POLR3A: variants seen among roughly 807,000 people sequenced by gnomAD.
POLR3A encodes the protein RNA polymerase III subunit A, also known as DNA-directed RNA polymerase III subunit RPC1.
A neutral mutation model predicts 152.8 loss-of-function variants in POLR3A; 112 were observed. The ratio of observed to expected loss-of-function variants is 0.73; its 90% CI spans 0.63 to 0.86. POLR3A has a LOEUF of 0.86. POLR3A is among the 40% of genes least tolerant of loss of function. The pLI, the probability that POLR3A is intolerant of heterozygous loss-of-function variation, is 0.00. For missense variants in POLR3A, 1,385 were observed against 1,743.1 expected (o/e 0.79, Z 3.66); for synonymous variants, 615 against 652.1 (o/e 0.94, Z 0.87).
chr10:77,981,026 T>C (rs2131926337), intron 29 of POLR3A, among the ~76,000 whole-genome samples: 1 of 152,114 alleles, frequency 6.6e-6, no homozygotes, highest in South Asian at 2.1e-4. Context: ...CTTCAGATCA[T>C]GTTAACTTAT....
chr10:78,003,822 G>C (rs1453921125), intron 16 of POLR3A, among the ~76,000 whole-genome samples: 1 of 152,082 alleles, frequency 6.6e-6, no homozygotes, highest in Non-Finnish European at 1.5e-5. Context: ...CAGCTACTTA[G>C]GATGTTGAGG....
intron 10 of POLR3A, among the ~76,000 whole-genome samples, chr10:78,016,713 C>CAA (rs140941978): frequency 5.2e-4 from 41 of 79,548 alleles, no homozygotes; most frequent in Admixed American, 1.1e-3. Context: ...GACTCTGTCT[C>CAA]AAAAAAAAAA....
At chr10:78,018,330 C>T (rs918596524) in intron 9 of POLR3A, among the ~76,000 whole-genome samples, 6 of 151,856 alleles carry the variant, frequency 4.0e-5, no homozygotes, top group Admixed American at 1.3e-4. Context: ...GAAAACCCGT[C>T]GCTACTAAAA....
At chr10:78,021,792 G>C in intron 7 of POLR3A, 68 bp downstream of exon 7, 3 of 1,609,600 alleles carry the variant, frequency 1.9e-6, no homozygotes, top group Non-Finnish European at 2.5e-6. Context: ...AGAGAAGCTG[G>C]ACAGACACTC....
chr10:77,986,192 G>A (rs764485263), intron 21 of POLR3A, 33 bp from the exon 22 acceptor site: 4 of 1,021,364 alleles, frequency 3.9e-6, no homozygotes, highest in South Asian at 3.8e-5. Context: ...TCATTTGTAA[G>A]TTTCACAGTC....
chr10:78,015,297 C>T (rs1296233614), intron 10 of POLR3A, among the ~76,000 whole-genome samples: 1 of 151,526 alleles, frequency 6.6e-6, no homozygotes, highest in Non-Finnish European at 1.5e-5. Flanking sequence ...TTCATTAGAC[C>T]ATTCTTTCTA....
rs1482586485 is a variant in POLR3A, at chr10:78,009,686, G to A, written c.1771-11C>T. The A allele has an allele frequency of 3.1e-6, 5 of 1,614,040 alleles. No homozygotes were observed. The highest frequency in any genetic ancestry group is 2.2e-5 in the East Asian group (1 of 44,870). On this transcript the variant is annotated splice_polypyrimidine_tract_variant and intron_variant, in intron 13 of 30. Transcript: ENST00000372371. ...CCACAGGGTGACAGGCTGAGGGGGG[G>A]AGGAAGCCTGAGAGTCAGTGGGCTG...
At chr10:77,991,477 C>G (rs1483415168) in intron 20 of POLR3A, among the ~76,000 whole-genome samples, 1 of 152,180 alleles carries the variant, frequency 6.6e-6, no homozygotes, top group Non-Finnish European at 1.5e-5. Context: ...ATTTAAAAAA[C>G]TCAAACATTT....
In POLR3A at chr10:78,021,679, C is replaced by T. The variant is rs748206692; in HGVS notation, c.1052G>A (p.Arg351Gln). 5.6e-6 allele frequency: 9 copies of T among 1,613,940 alleles called. No homozygotes were observed. Among genetic ancestry groups the T allele is most frequent in the South Asian group, 1.1e-5 (1 of 91,082 alleles). ...FVQRLKGKQG[R>Q]FRGNLSGKRV... ...CTTTCCTGAGAGATTTCCTCTAAAT[C>T]GACCTAAATAGCCAAAAACATGTCA... The change falls in exon 8 of 31, where the codon CGA (arginine) becomes CAA (glutamine). Residue 351 changes from arginine to glutamine, a missense_variant. This residue lies in a region of POLR3A where 493 missense variants were observed against 647.5 expected (regional missense o/e 0.76). Coordinates refer to ENST00000372371, the MANE Select transcript of POLR3A (RefSeq NM_007055.4).
chr10:77,992,087 A>C (rs1847255004), intron 20 of POLR3A, among the ~76,000 whole-genome samples: 1 of 152,122 alleles, frequency 6.6e-6, no homozygotes, highest in Non-Finnish European at 1.5e-5. Context: ...CTACTCTCCA[A>C]AAAGGTTGTT....
chr10:77,996,782 A>T (rs1269639941), intron 19 of POLR3A, among the ~76,000 whole-genome samples: 1 of 152,214 alleles, frequency 6.6e-6, no homozygotes, highest in Non-Finnish European at 1.5e-5. Context: ...AATCAATAGA[A>T]AAAGAGGGAA....
intron 20 of POLR3A, among the ~76,000 whole-genome samples, chr10:77,992,546 G>T (rs1473854255): frequency 6.8e-6 from 1 of 146,846 alleles, no homozygotes; most frequent in South Asian, 2.1e-4. Flanking sequence ...TGGTTCAAGT[G>T]ATTCTCCTGC....
At chr10:78,016,126 AT>A (rs1268226336) in intron 10 of POLR3A, among the ~76,000 whole-genome samples, 1 of 152,162 alleles carries the variant, frequency 6.6e-6, no homozygotes. Context: ...TTTCATTTCC[AT>A]TTTAAATCTC....
chr10:78,023,700 C>T lies in POLR3A; in HGVS notation c.645+849G>A, dbSNP rs555242028. On this transcript the variant is annotated intron_variant, in intron 5 of 30. Transcript: ENST00000372371. Reference sequence around the variant, plus strand: ...GGCTGACATGCAAGGATCACTTGAGCCTAGGAGGTCGGGGCTGCAATGAGC... The same window carrying T: ...GGCTGACATGCAAGGATCACTTGAGTCTAGGAGGTCGGGGCTGCAATGAGC... Among the ~76,000 whole-genome samples, 7 of 151,780 alleles carry T rather than the reference C, an allele frequency of 4.6e-5. No homozygotes were observed. In the South Asian group the frequency reaches 1.2e-3, roughly 27 times the overall value.
chr10:77,978,835 A>AT (rs977010698), intron 30 of POLR3A, among the ~76,000 whole-genome samples: 1 of 143,080 alleles, frequency 7.0e-6, no homozygotes, highest in African/African-American at 2.6e-5. Flanking sequence ...TAATTTTTAT[A>AT]TTTTTTTTAG....
At chr10:77,980,956 T>C (rs941895880) in intron 29 of POLR3A, among the ~76,000 whole-genome samples, 14 of 152,194 alleles carry the variant, frequency 9.2e-5, no homozygotes, top group African/African-American at 3.1e-4. Context: ...TACGTTTTTT[T>C]TGGAAAAGAG....
rs1847085729 is a variant in POLR3A, at chr10:77,976,045, T to C, written c.*1433A>G. ...ACATCACTGATACCCCAAGAGAAGT[T>C]AATAGGTCTACCTTGTAGATGCAGG... is the stretch of plus-strand genomic sequence containing the variant. On this transcript the variant is annotated 3_prime_UTR_variant, in exon 31 of 31. Transcript: ENST00000372371. 2 of 152,184 alleles carry C rather than the reference T, an allele frequency of 1.3e-5. No individual in the cohort carries two copies. The highest frequency in any genetic ancestry group is 1.3e-4 in the Admixed American group (2 of 15,270). 9.4% of individuals were successfully genotyped at this position (152,184 alleles called of 1,614,324 possible).
At chr10:78,027,731 G>C (rs1038165710) in intron 1 of POLR3A, among the ~76,000 whole-genome samples, 2 of 152,040 alleles carry the variant, frequency 1.3e-5, no homozygotes, top group African/African-American at 2.4e-5. Flanking sequence ...GCTAATTTTT[G>C]TATTTTTAGT....
Position 77,993,383 on chromosome 10 carries a change from G to A in POLR3A, c.2617-16C>T, listed in dbSNP as rs1319866952. 3 of 1,609,796 alleles carry A rather than the reference G, an allele frequency of 1.9e-6. No individual in the cohort carries two copies. Among genetic ancestry groups the A allele is most frequent in the Non-Finnish European group, 1.7e-6 (2 of 1,176,360 alleles). ...CAAGCCTTCGCTAAAGGAAAAGGAG[G>A]AAAAAGCTCAGCTGCTTTGAGAAGA... On this transcript the variant is annotated splice_polypyrimidine_tract_variant and intron_variant, in intron 19 of 30. Transcript: ENST00000372371.
Sources: gnomAD v4.1 joint callset for allele counts (sites outside exome capture counted in the v4.1 genomes callset) on GRCh38, gnomAD v4.1.1 for gene constraint, gnomAD v4.1.1 regional missense constraint, MANE v1.5 for transcripts, NCBI Gene and HGNC (gene_info 2026-07-23, HGNC 2026-07-21) for gene names.